Variants in YAE1 observed in about 807,000 individuals in gnomAD.
The protein encoded by YAE1 is protein YAE1 homolog.
Under a neutral mutation model 23.0 loss-of-function variants are expected in YAE1, and 22 were observed. That is an observed-to-expected ratio of 0.96 (90% CI 0.68 to 1.37). The LOEUF (loss-of-function observed/expected upper bound fraction) is 1.37, where lower values mean the gene tolerates loss of function less well. Ranked by LOEUF, YAE1 falls within the 40% of genes most tolerant of loss-of-function variation. The pLI is 0.00. For missense variants in YAE1, 260 were observed against 262.1 expected (o/e 0.99, Z 0.06); for synonymous variants, 101 against 97.0 (o/e 1.04, Z -0.24).
At chr7:39,596,501 T>C (rs984284955) in intron 2 of YAE1, among the ~76,000 whole-genome samples, 1 of 152,110 alleles carries the variant, frequency 6.6e-6, no homozygotes, top group Non-Finnish European at 1.5e-5. Context: ...CCTCCCAAAG[T>C]GCTAGGATTA....
downstream of YAE1, among the ~76,000 whole-genome samples, chr7:39,611,699 G>A (rs1279354449): frequency 6.6e-6 from 1 of 152,168 alleles, no homozygotes; most frequent in Non-Finnish European, 1.5e-5. Context: ...GAGGAGTTGG[G>A]AGTTAAGTAT....
intron 2 of YAE1, among the ~76,000 whole-genome samples, chr7:39,591,019 G>A (rs558472520): frequency 3.2e-4 from 49 of 152,188 alleles, no homozygotes; most frequent in Non-Finnish European, 6.9e-4. Context: ...AGTCCAAGAT[G>A]AAGGTGTTGG....
intron 2 of YAE1, among the ~76,000 whole-genome samples, chr7:39,593,490 C>T (rs377752001): frequency 2.6e-4 from 39 of 152,166 alleles, no homozygotes; most frequent in African/African-American, 6.0e-4. Flanking sequence ...TCAAGTGATC[C>T]GCCTGCCCTG....
chr7:39,595,663 A>G (rs888155076), intron 2 of YAE1, among the ~76,000 whole-genome samples: 6 of 152,260 alleles, frequency 3.9e-5, no homozygotes, highest in Admixed American at 2.6e-4. Flanking sequence ...TCTCTCAGTA[A>G]CTACTCAATT....
At chr7:39,601,828 C>T (rs1040839723) in intron 2 of YAE1, among the ~76,000 whole-genome samples, 31 of 151,110 alleles carry the variant, frequency 2.1e-4, no homozygotes, top group Non-Finnish European at 3.8e-4. Context: ...TGCATTGAAT[C>T]GCATTTGAAT....
Position 39,572,569 on chromosome 7 carries a change from T to C in YAE1, c.544T>C (p.Tyr182His), listed in dbSNP as rs765801496. The part of the protein sequence containing the change: ...SKSHSGIDCS[Y>H]VECCRTQEHA... ...GAGCCATAGTGGGATAGATTGTTCA[T>C]ATGTAGAATGTTGTAGAACACAGGA... is the stretch of plus-strand genomic sequence containing the variant. The change falls in exon 3 of 3, where the codon TAT becomes CAT. Residue 182 changes from tyrosine to histidine, a missense_variant. Coordinates refer to ENST00000223273, the MANE Select transcript of YAE1 (RefSeq NM_020192.5). 15 of 1,614,024 alleles carry C rather than the reference T, an allele frequency of 9.3e-6. No homozygotes were observed. The highest frequency in any genetic ancestry group is 1.0e-5 in the Non-Finnish European group (12 of 1,179,988).
At chr7:39,601,639 A>G (rs1225246121) in intron 2 of YAE1, among the ~76,000 whole-genome samples, 1 of 151,876 alleles carries the variant, frequency 6.6e-6, no homozygotes, top group Admixed American at 6.6e-5. Flanking sequence ...GGGCGCCTGT[A>G]GTCCAGCTGC....
At chr7:39,610,410 G>C, downstream of YAE1, 1 of 455,548 alleles carries the variant, frequency 2.2e-6, no homozygotes, top group Non-Finnish European at 4.4e-6. Context: ...GTTTCTGCAG[G>C]TCCATTTTAT....
chr7:39,611,402 G>T (rs1791214621), downstream of YAE1, among the ~76,000 whole-genome samples: 1 of 152,184 alleles, frequency 6.6e-6, no homozygotes, highest in Admixed American at 6.5e-5. Flanking sequence ...AAAGGGAAAA[G>T]GTCTCCCCTG....
chr7:39,609,676 G>C (rs4723884), exon 3 of YAE1: 2 of 1,535,436 alleles, frequency 1.3e-6, no homozygotes, highest in African/African-American at 2.7e-5. Flanking sequence ...CCGGAGGTTG[G>C]GACGCAACTA....
chr7:39,597,609 C>A (rs1038932681), intron 2 of YAE1, among the ~76,000 whole-genome samples: 7 of 152,276 alleles, frequency 4.6e-5, no homozygotes, highest in East Asian at 1.9e-4. Flanking sequence ...ATCTAGCAAA[C>A]CTTTATCCAC....
chr7:39,572,873 T>C lies in YAE1; in HGVS notation c.*167T>C, dbSNP rs1374219037. 1 of 1,280,632 alleles carries C rather than the reference T, an allele frequency of 7.8e-7. No homozygotes were observed. The highest frequency in any genetic ancestry group is 3.7e-5 in the Admixed American group (1 of 26,834). The allele number at this position is 1,280,632 out of a possible 1,614,324, so 79.3% of individuals were successfully genotyped here. On this transcript the variant is annotated 3_prime_UTR_variant, in exon 3 of 3. Coordinates refer to ENST00000223273, the MANE Select transcript of YAE1 (RefSeq NM_020192.5). ...AAAATTAACACTATTAAATGTAATA[T>C]AAGCCTTTTTTCTTTGTCACTGGTA...
intron 2 of YAE1, among the ~76,000 whole-genome samples, chr7:39,588,563 A>G (rs1032566022): frequency 8.6e-5 from 13 of 151,748 alleles, no homozygotes; most frequent in Admixed American, 8.5e-4. Context: ...CACACACTGC[A>G]CAGTAGTCGC....
intron 2 of YAE1, among the ~76,000 whole-genome samples, chr7:39,590,431 T>A (rs1790885947): frequency 6.6e-6 from 1 of 152,176 alleles, no homozygotes; most frequent in Non-Finnish European, 1.5e-5. Flanking sequence ...ATTTTACAGA[T>A]AAAGAGCTAA....
chr7:39,580,079 A>G (rs1790719160), intron 2 of YAE1, among the ~76,000 whole-genome samples: 1 of 152,248 alleles, frequency 6.6e-6, no homozygotes, highest in South Asian at 2.1e-4. Context: ...ACCAACAGTT[A>G]TAAGGAACAA....
chr7:39,608,470 A>G (rs1791160751), intron 2 of YAE1, among the ~76,000 whole-genome samples: 1 of 152,176 alleles, frequency 6.6e-6, no homozygotes, highest in Admixed American at 6.5e-5. Context: ...TCCGGGAAAG[A>G]AGAAAAAGAA....
chr7:39,571,186 G>A (rs536682831), intron 2 of YAE1, among the ~76,000 whole-genome samples: 29 of 152,066 alleles, frequency 1.9e-4, no homozygotes, highest in African/African-American at 6.8e-4. Flanking sequence ...GGCCCAGGAC[G>A]GCTTTGAATA....
At chr7:39,570,388 G>T in intron 1 of YAE1, 118 bp from the exon 2 acceptor site, 1 of 1,176,274 alleles carries the variant, frequency 8.5e-7, no homozygotes, top group Non-Finnish European at 1.2e-6. Context: ...CCATATTATG[G>T]TCAGTAACAC....
At chr7:39,603,381 G>A (rs1171830074) in intron 2 of YAE1, among the ~76,000 whole-genome samples, 1 of 152,100 alleles carries the variant, frequency 6.6e-6, no homozygotes, top group Non-Finnish European at 1.5e-5. Context: ...CTCGTGATCC[G>A]CCTGCCTCGG....
Sources: allele counts gnomAD v4.1 joint callset (sites outside exome capture counted in the v4.1 genomes callset), GRCh38; gene constraint gnomAD v4.1.1; transcripts MANE v1.5; gene names NCBI Gene and HGNC (gene_info 2026-07-23, HGNC 2026-07-21).